RBBP5: variants seen among roughly 807,000 people sequenced by gnomAD.
RBBP5 encodes the protein RB binding protein 5, histone lysine methyltransferase complex subunit, also known as retinoblastoma-binding protein 5.
A neutral mutation model predicts 72.2 loss-of-function variants in RBBP5; 5 were observed. That is an observed-to-expected ratio of 0.07 (90% CI 0.04 to 0.15). The LOEUF (loss-of-function observed/expected upper bound fraction) is 0.15. RBBP5 is among the 10% of genes least tolerant of loss of function. RBBP5 has a pLI of 1.00. For missense variants in RBBP5, 322 were observed against 652.2 expected (o/e 0.49, Z 5.51); for synonymous variants, 209 against 237.2 (o/e 0.88, Z 1.09).
chr1:205,111,038 T>G lies in RBBP5; in HGVS notation c.218+3751A>C, dbSNP rs190811498. Among the ~76,000 whole-genome samples, 248 of 152,304 alleles carry G rather than the reference T, an allele frequency of 1.6e-3. 1 individual carries two copies. Among genetic ancestry groups the G allele is most frequent in the African/African-American group, 5.7e-3 (238 of 41,552 alleles). ...GAGATCGTGCCACTGCACTCCAGCC[T>G]GGGTGACAGAGCAAGACTCTGTCTC... On this transcript the variant is annotated intron_variant, in intron 3 of 13. Transcript: ENST00000264515.
intron 1 of RBBP5, among the ~76,000 whole-genome samples, chr1:205,116,812 T>G (rs1025556801): frequency 6.6e-6 from 1 of 152,076 alleles, no homozygotes; most frequent in African/African-American, 2.4e-5. Flanking sequence ...AGACTCCGTC[T>G]CAAAACAAAA....
chr1:205,097,985 C>T (rs1655681902), intron 10 of RBBP5, among the ~76,000 whole-genome samples: 1 of 152,042 alleles, frequency 6.6e-6, no homozygotes, highest in Non-Finnish European at 1.5e-5. Flanking sequence ...CCGCACAAAC[C>T]TTACTATGTT....
intron 5 of RBBP5, 84 bp from the exon 6 acceptor site, chr1:205,101,793 A>G: frequency 1.0e-6 from 1 of 959,794 alleles, no homozygotes; most frequent in South Asian, 1.6e-5. Context: ...TACTGCGTAA[A>G]GACTGGGTAA....
At chr1:205,107,763 T>C (rs552234763) in intron 3 of RBBP5, among the ~76,000 whole-genome samples, 1 of 151,740 alleles carries the variant, frequency 6.6e-6, no homozygotes, top group South Asian at 2.1e-4. Flanking sequence ...CTGGCCAACA[T>C]GCTGAAAACC....
chr1:205,098,892 T>C (rs980532283), intron 10 of RBBP5, 97 bp downstream of exon 10: 2 of 769,190 alleles, frequency 2.6e-6, no homozygotes, highest in Non-Finnish European at 3.9e-6. Context: ...GCATTTTAGA[T>C]GAAGTGCTGA....
intron 1 of RBBP5, chr1:205,116,143 G>A (rs998804721): frequency 2.4e-5 from 14 of 583,910 alleles, no homozygotes; most frequent in Non-Finnish European, 3.8e-5. Flanking sequence ...AGAAGCAGAT[G>A]TGAGAAGTCC....
chr1:205,088,351 G>A lies in RBBP5; in HGVS notation c.*436C>T, dbSNP rs886502022. 1 of 160,322 alleles carries A rather than the reference G, an allele frequency of 6.2e-6. No homozygotes were observed. Among genetic ancestry groups the A allele is most frequent in the Non-Finnish European group, 1.4e-5 (1 of 73,256 alleles). The allele number at this position is 160,322 out of a possible 1,614,324, so 9.9% of individuals were successfully genotyped here. On this transcript the variant is annotated 3_prime_UTR_variant, in exon 14 of 14. Transcript: ENST00000264515. The stretch of plus-strand genomic sequence containing the variant: ...GAGTATCCAACAAAAGCTTTCCTAG[G>A]ATACCAGTAGCAAAATTTCAGATAA...
At position 205,114,915 on chromosome 1, in the gene RBBP5, G is replaced by A; in HGVS notation, c.92C>T (p.Thr31Ile). 3 of 1,594,186 alleles carry A rather than the reference G, an allele frequency of 1.9e-6. No homozygotes were observed. Among genetic ancestry groups the A allele is most frequent in the Non-Finnish European group, 1.7e-6 (2 of 1,167,880 alleles). ...AAGCAGTGTGCCCCACCTGTTAAAG[G>A]TGCAAGTCAAAGCCATGCTGATACA... ...LDCISMALTC[T>I]FNRWGTLLAV... The change falls in exon 3 of 14, where the codon ACC becomes ATC. Residue 31 changes from threonine to isoleucine, a missense_variant. Transcript: ENST00000264515.
intron 2 of RBBP5, 67 bp from the exon 3 acceptor site, chr1:205,115,028 G>T: frequency 7.3e-7 from 1 of 1,372,002 alleles, no homozygotes; most frequent in Non-Finnish European, 1.0e-6. Flanking sequence ...TTTCCTAAAG[G>T]TTCTTTATCA....
At chr1:205,097,871 C>T (rs762940318) in intron 10 of RBBP5, among the ~76,000 whole-genome samples, 3 of 152,068 alleles carry the variant, frequency 2.0e-5, no homozygotes, top group Non-Finnish European at 4.4e-5. Flanking sequence ...GAATCAACCT[C>T]ATTCCCAATC....
chr1:205,099,443 A>G lies in RBBP5; in HGVS notation c.978+298T>C, dbSNP rs190552577. ...TCAAAGTAAAATTAAGATGTAAAAC[A>G]GAAACTGAGCTGAAAGTAAGAAAAG... On this transcript the variant is annotated intron_variant, in intron 9 of 13. Coordinates refer to ENST00000264515, the MANE Select transcript of RBBP5 (RefSeq NM_005057.4). The surrounding 1 kb of genome is among the most constrained non-coding windows in gnomAD (Gnocchi z 4.7). 5.9e-5 allele frequency among the ~76,000 whole-genome samples: 9 copies of G among 152,344 alleles called. No homozygotes were observed. In the East Asian group the frequency reaches 1.7e-3, roughly 29 times the overall value.
chr1:205,097,477 G>T (rs1476897496), intron 10 of RBBP5, 82 bp from the exon 11 acceptor site: 1 of 1,310,092 alleles, frequency 7.6e-7, no homozygotes, highest in Admixed American at 2.0e-5. Flanking sequence ...TTCATAAGTT[G>T]AAATTCCAGA....
intron 11 of RBBP5, 112 bp from the exon 12 acceptor site, chr1:205,097,023 G>C: frequency 1.1e-6 from 1 of 935,172 alleles, no homozygotes; most frequent in Non-Finnish European, 1.6e-6. Context: ...TATGGATCTA[G>C]AACTTTAAGA....
At chr1:205,103,485 A>C (rs1321647178) in intron 5 of RBBP5, among the ~76,000 whole-genome samples, 4 of 152,220 alleles carry the variant, frequency 2.6e-5, no homozygotes, top group African/African-American at 4.8e-5. Context: ...AAAAAGAAGA[A>C]TAAGTCTCAG....
chr1:205,090,489 G>A (rs1316669150), intron 13 of RBBP5, among the ~76,000 whole-genome samples: 1 of 152,184 alleles, frequency 6.6e-6, no homozygotes, highest in East Asian at 1.9e-4. Context: ...ACAAAAGCTT[G>A]TTGAGGCATC....
chr1:205,098,581 T>C (rs1355877097), intron 10 of RBBP5, among the ~76,000 whole-genome samples: 3 of 152,076 alleles, frequency 2.0e-5, no homozygotes, highest in African/African-American at 4.8e-5. Flanking sequence ...CAGTGGCTCA[T>C]GTCTGTAATG....
At chr1:205,119,613 G>C (rs1434975832) in intron 1 of RBBP5, among the ~76,000 whole-genome samples, 1 of 152,082 alleles carries the variant, frequency 6.6e-6, no homozygotes, top group Non-Finnish European at 1.5e-5. Flanking sequence ...TGTTCCAGCT[G>C]CTGAGGAGTC....
rs6703383 is a variant in RBBP5 at position 205,115,954 on chromosome 1, T to C, written c.20-71A>G. 7.6e-5 allele frequency: 122 copies of C among 1,613,694 alleles called. No individual in the cohort carries two copies. In the African/African-American group the frequency reaches 1.5e-3, roughly 20 times the overall value. ...CAAGGATCATACAACTCACGAACAG[T>C]GTATAGCAGTGGCTGACAAAACGAA... is the stretch of plus-strand genomic sequence containing the variant. On this transcript the variant is annotated intron_variant, in intron 1 of 13. Coordinates refer to ENST00000264515, the MANE Select transcript of RBBP5 (RefSeq NM_005057.4).
intron 1 of RBBP5, chr1:205,116,293 A>T: frequency 2.6e-6 from 1 of 378,616 alleles, no homozygotes; most frequent in Non-Finnish European, 5.3e-6. Context: ...GGTTATTTCT[A>T]TATAATATGC....
Sources: allele counts gnomAD v4.1 joint callset (sites outside exome capture counted in the v4.1 genomes callset), GRCh38; gene constraint gnomAD v4.1.1; non-coding constraint Gnocchi (gnomAD v3.1); transcripts MANE v1.5; gene names NCBI Gene and HGNC (gene_info 2026-07-23, HGNC 2026-07-21).